Variants in CTSE observed in about 807,000 individuals in gnomAD.
CTSE encodes cathepsin E, also known as erythrocyte membrane aspartic proteinase.
Under a neutral mutation model 42.8 loss-of-function variants are expected in CTSE, and 43 were observed. The observed-to-expected ratio is 1.01, with a 90% CI of 0.79 to 1.30. CTSE has a LOEUF of 1.30. Ranked by LOEUF, CTSE falls within the 50% of genes most tolerant of loss-of-function variation. The pLI is 0.00. For synonymous variants in CTSE, 205 were observed against 191.5 expected, an observed-to-expected ratio of 1.07 and a Z score of -0.58; for missense variants, 532 against 493.5, an observed-to-expected ratio of 1.08 and a Z score of -0.74.
At chr1:206,016,878 G>A (rs1661278866) in intron 4 of CTSE, among the ~76,000 whole-genome samples, 1 of 152,022 alleles carries the variant, frequency 6.6e-6, no homozygotes, top group Non-Finnish European at 1.5e-5. Context: ...CAGCAAGATT[G>A]TATTGGTGTA....
chr1:206,017,909 A>G (rs1297973796), intron 4 of CTSE, among the ~76,000 whole-genome samples: 4 of 151,988 alleles, frequency 2.6e-5, no homozygotes, highest in Non-Finnish European at 5.9e-5. Flanking sequence ...ATATTGACAG[A>G]GTTATTTCTT....
At chr1:206,016,245 T>A in intron 4 of CTSE, 115 bp from the exon 5 acceptor site, 1 of 939,328 alleles carries the variant, frequency 1.1e-6, no homozygotes, top group Non-Finnish European at 1.7e-6. Flanking sequence ...TTCCCAACTT[T>A]CCTTGACTAA....
At chr1:206,020,488 C>T (rs1206804077) in intron 4 of CTSE, among the ~76,000 whole-genome samples, 3 of 151,954 alleles carry the variant, frequency 2.0e-5, no homozygotes, top group Non-Finnish European at 4.4e-5. Context: ...GCTCTCTGTC[C>T]CCACATTTGT....
In CTSE at chr1:206,010,264, C is replaced by G. The variant is rs372719258; in HGVS notation, c.1110G>C (p.Leu370=). 1.6e-5 allele frequency: 26 copies of G among 1,613,690 alleles called. No homozygotes were observed. The highest frequency in any genetic ancestry group is 2.1e-5 in the Non-Finnish European group (25 of 1,179,816). The part of the protein sequence containing the change: ...IHPPAGPLWI[L]GDVFIRQFYS... The stretch of plus-strand genomic sequence containing the variant: ...AAAACTGTCGAATGAAGACATCCCC[C>G]AGGATCCAGAGGGGCCCAGCTGGAG... Residue 370 remains leucine (L), a synonymous_variant, in exon 9 of 9, where the codon CTG becomes CTC. Transcript: ENST00000358184.
At chr1:206,018,560 T>C (rs1661324028) in intron 4 of CTSE, among the ~76,000 whole-genome samples, 1 of 152,008 alleles carries the variant, frequency 6.6e-6, no homozygotes, top group Admixed American at 6.6e-5. Flanking sequence ...GTTTTCTTTG[T>C]GGAAAGATTT....
At chr1:206,012,762 A>G in intron 6 of CTSE, 113 bp from the exon 7 acceptor site, 1 of 1,196,620 alleles carries the variant, frequency 8.4e-7, no homozygotes, top group Non-Finnish European at 1.2e-6. Flanking sequence ...TCCACCCACC[A>G]TATGAGTGTT....
chr1:206,022,894 G>T lies in CTSE; in HGVS notation c.225+7C>A. ...CTCTCCCCAGCCCTGACCCCAGGAG[G>T]CCTCACATCCAAGTAGTTGATGAGG... On this transcript the variant is annotated splice_region_variant and intron_variant, in intron 2 of 8. Transcript: ENST00000358184. 6.4e-7 allele frequency: 1 copy of T among 1,561,342 alleles called. No individual in the cohort carries two copies. The highest frequency in any genetic ancestry group is 8.7e-7 in the Non-Finnish European group (1 of 1,149,256).
At chr1:206,013,972 G>T in intron 5 of CTSE, 78 bp from the exon 6 acceptor site, 1 of 1,520,252 alleles carries the variant, frequency 6.6e-7, no homozygotes, top group South Asian at 1.2e-5. Flanking sequence ...AGGACCCTTT[G>T]CTTCTTGGTC....
In CTSE at chr1:206,012,615, CGG is replaced by C; in HGVS notation, c.818_819del (p.Ser273Ter). The part of the protein sequence containing the change: ...IQVGGTVMFC[S>X]EGCQAIVDTG... The stretch of plus-strand genomic sequence containing the variant: ...GTGTCCACAATGGCCTGGCAGCCCT[CGG>C]AGCAGAACATAACAGTGCCTCCCAC... On this transcript the variant is annotated frameshift_variant, in exon 7 of 9. Transcript: ENST00000358184. LOFTEE classifies it high-confidence loss of function. 1 of 1,613,974 alleles carries C rather than the reference CGG, an allele frequency of 6.2e-7. No homozygotes were observed. The highest frequency in any genetic ancestry group is 1.1e-5 in the South Asian group (1 of 91,086).
At position 206,018,986 on chromosome 1, in the gene CTSE, G is replaced by A. The variant is rs560889818; in HGVS notation, c.462+2063C>T. 3.9e-5 allele frequency among the ~76,000 whole-genome samples: 6 copies of A among 152,052 alleles called. No individual in the cohort carries two copies. The East Asian group carries it at 1.2e-3, about 29-fold the overall frequency. On this transcript the variant is annotated intron_variant, in intron 4 of 8. Transcript: ENST00000358184. ...TTCTTGTTATTCATTTCTTGAAATA[G>A]GAGCTTAGATAATTGATCATTAGCA...
intron 2 of CTSE, 91 bp downstream of exon 2, chr1:206,022,810 C>T (rs1260394075): frequency 1.9e-5 from 23 of 1,228,662 alleles, no homozygotes; most frequent in Middle Eastern, 2.2e-4. Context: ...CAATGGCCTT[C>T]GGTGCTACTG....
intron 8 of CTSE, among the ~76,000 whole-genome samples, chr1:206,010,951 A>G (rs1418636124): frequency 6.6e-6 from 1 of 152,040 alleles, no homozygotes; most frequent in Non-Finnish European, 1.5e-5. Flanking sequence ...TCTTTCCAAC[A>G]ATGATTTGAA....
chr1:206,019,757 T>C (rs1309605742), intron 4 of CTSE, among the ~76,000 whole-genome samples: 1 of 146,186 alleles, frequency 6.8e-6, no homozygotes, highest in Non-Finnish European at 1.5e-5. Flanking sequence ...TAACATAATA[T>C]ATACACATTA....
intron 1 of CTSE, 128 bp from the exon 2 acceptor site, chr1:206,023,185 G>A (rs1339670467): frequency 4.2e-6 from 4 of 951,668 alleles, no homozygotes; most frequent in Non-Finnish European, 6.4e-6. Context: ...AAGACAGCAC[G>A]CAGGATACAG....
rs1661021921 is a variant in CTSE, at chr1:206,009,492, C to T, written c.*691G>A. On this transcript the variant is annotated 3_prime_UTR_variant, in exon 9 of 9. Coordinates refer to ENST00000358184, the MANE Select transcript of CTSE (RefSeq NM_001910.4). Reference sequence around the variant, plus strand: ...CAGAGAACCATGTCAAATGACACCTCGGGATTTCAACCAGCAACGTTCAAA... The same window carrying T: ...CAGAGAACCATGTCAAATGACACCTTGGGATTTCAACCAGCAACGTTCAAA... The T allele has an allele frequency of 6.6e-6, 1 of 152,004 alleles. No homozygotes were observed. Among genetic ancestry groups the T allele is most frequent in the Non-Finnish European group, 1.5e-5 (1 of 68,038 alleles). The allele number at this position is 152,004 out of a possible 1,614,324, so 9.4% of individuals were successfully genotyped here.
intron 1 of CTSE, 103 bp from the exon 2 acceptor site, chr1:206,023,160 GA>G (rs1553278752): frequency 6.5e-6 from 5 of 772,100 alleles, no homozygotes; most frequent in Admixed American, 4.1e-5. Context: ...GATGGGGTGG[GA>G]GGGGGGGATC....
At chr1:206,013,744 C>T in intron 6 of CTSE, 28 bp downstream of exon 6, 1 of 1,610,566 alleles carries the variant, frequency 6.2e-7, no homozygotes, top group South Asian at 1.1e-5. Flanking sequence ...ACCCCTAGTA[C>T]TGTCACTACT....
At chr1:206,021,245 C>T in intron 3 of CTSE, 78 bp from the exon 4 acceptor site, 2 of 1,139,394 alleles carry the variant, frequency 1.8e-6, no homozygotes, top group Admixed American at 1.7e-5. Flanking sequence ...CCCAGCCCCA[C>T]AGCGGCAGGG....
At position 206,011,768 on chromosome 1, in the gene CTSE, T is replaced by C. The variant is rs574363720; in HGVS notation, c.1026+540A>G. Among the ~76,000 whole-genome samples the C allele has an allele frequency of 2.6e-5, 4 of 152,198 alleles. No individual in the cohort carries two copies. In the South Asian group the frequency reaches 8.3e-4, roughly 32 times the overall value. ...GACCAACTGTGGTGTGAGGTGCTCA[T>C]AGGTGTCCAAAAGGTCTGGGAGTTC... On this transcript the variant is annotated intron_variant, in intron 8 of 8. Transcript: ENST00000358184.
Sources: allele counts gnomAD v4.1 joint callset (sites outside exome capture counted in the v4.1 genomes callset), GRCh38; gene constraint gnomAD v4.1.1; transcripts MANE v1.5; gene names NCBI Gene and HGNC (gene_info 2026-07-23, HGNC 2026-07-21).